HPRT1: variants seen among roughly 807,000 people sequenced by gnomAD.
HPRT1 encodes the protein hypoxanthine-guanine phosphoribosyltransferase.
HPRT1 carries 4 observed loss-of-function variants against 19.0 expected under a neutral mutation model. That is an observed-to-expected ratio of 0.21 (90% CI 0.10 to 0.48). The LOEUF (loss-of-function observed/expected upper bound fraction) is 0.48. Among genes scored for constraint, HPRT1 ranks in the 20% least tolerant of loss-of-function variants. The probability of loss-of-function intolerance (pLI) is 0.98; values close to 1 mark genes in which losing one functional copy is unlikely to be tolerated. For synonymous variants in HPRT1, 53 were observed against 54.9 expected (o/e 0.97, Z 0.15); for missense variants, 65 against 164.0 (o/e 0.40, Z 3.30).
intron 4 of HPRT1, among the ~76,000 whole-genome samples, chrX:134,487,949 C>T (rs1172699666): frequency 1.8e-5 from 2 of 111,470 alleles, no homozygotes; most frequent in African/African-American, 6.5e-5. Context: ...TCGTCTTTCC[C>T]ACCTAATGGC....
At chrX:134,490,771 G>C (rs898839118) in intron 5 of HPRT1, among the ~76,000 whole-genome samples, 1 of 108,557 alleles carries the variant, frequency 9.2e-6, no homozygotes, top group Non-Finnish European at 1.9e-5. Flanking sequence ...CAAAATATCT[G>C]TGATGAGGCC....
intron 4 of HPRT1, among the ~76,000 whole-genome samples, chrX:134,489,754 A>G (rs1260412318): frequency 8.9e-6 from 1 of 111,757 alleles, no homozygotes; most frequent in African/African-American, 3.2e-5. Flanking sequence ...ATGAGAAAAT[A>G]TATTTTGGAG....
Position 134,460,245 on chromosome X carries a change from T to A in HPRT1, c.-67T>A. ...CGCCGCCTCTTGCTGCGCCTCCGCC[T>A]CCTCCTCTGCTCCGCCACCGGCTTC... is the stretch of plus-strand genomic sequence containing the variant. On this transcript the variant is annotated 5_prime_UTR_variant, in exon 1 of 9. Coordinates refer to ENST00000298556, the MANE Select transcript of HPRT1 (RefSeq NM_000194.3). 1 of 1,088,145 alleles carries A rather than the reference T, an allele frequency of 9.2e-7. No homozygotes were observed. 89.7% of individuals were successfully genotyped at this position (1,088,145 alleles called of 1,213,427 possible).
At chrX:134,461,589 G>A (rs2077584237) in intron 1 of HPRT1, among the ~76,000 whole-genome samples, 1 of 112,105 alleles carries the variant, frequency 8.9e-6, no homozygotes, top group Non-Finnish European at 1.9e-5. Flanking sequence ...TGGAGTTATT[G>A]AGAGGATTAT....
intron 1 of HPRT1, among the ~76,000 whole-genome samples, chrX:134,473,158 G>A (rs1311293739): frequency 8.9e-6 from 1 of 112,035 alleles, no homozygotes; most frequent in Non-Finnish European, 1.9e-5. Context: ...CCAAAGTGCT[G>A]GGATTACACG....
intron 3 of HPRT1, among the ~76,000 whole-genome samples, chrX:134,484,191 CTG>C (rs1422918948): frequency 8.9e-6 from 1 of 112,219 alleles, no homozygotes; most frequent in Admixed American, 9.5e-5. Context: ...CCTCTTGTCT[CTG>C]TAAAGACATC....
At chrX:134,495,691 G>A (rs1215163694) in intron 6 of HPRT1, among the ~76,000 whole-genome samples, 1 of 111,646 alleles carries the variant, frequency 9.0e-6, no homozygotes, top group African/African-American at 3.3e-5. Flanking sequence ...AGTGGTTTTT[G>A]ATATATTCAG....
intron 3 of HPRT1, among the ~76,000 whole-genome samples, chrX:134,481,511 CTATCTAT>C (rs2077640060): frequency 2.4e-5 from 2 of 82,247 alleles, no homozygotes; most frequent in African/African-American, 9.0e-5. Flanking sequence ...CTATCTCTAT[CTATCTAT>C]CTATCTATCT....
rs377547259 is a variant in HPRT1, at chrX:134,479,118, G to A, written c.318+3754G>A. On this transcript the variant is annotated intron_variant, in intron 3 of 8. Transcript: ENST00000298556. ...TCCCAGTACTTTGGGAAGTCAAGAC[G>A]GGAGGCTGGCTTGAACCCAGGAGTT... is the stretch of plus-strand genomic sequence containing the variant. Among the ~76,000 whole-genome samples, 98 of 111,874 alleles carry A rather than the reference G, an allele frequency of 8.8e-4. No homozygotes were observed. In the East Asian group the frequency reaches 0.012, roughly 14 times the overall value.
At chrX:134,467,520 T>G (rs1205126940) in intron 1 of HPRT1, among the ~76,000 whole-genome samples, 1 of 112,070 alleles carries the variant, frequency 8.9e-6, no homozygotes, top group Non-Finnish European at 1.9e-5. Context: ...ACTGGATTGT[T>G]AACTAATCCA....
chrX:134,460,213 C>A lies in HPRT1; in HGVS notation c.-99C>A, dbSNP rs1055741989. 209 of 947,579 alleles carry A rather than the reference C, an allele frequency of 2.2e-4. 1 individual carries two copies. The highest frequency in any genetic ancestry group is 2.7e-4 in the Non-Finnish European group (189 of 704,080). The allele number at this position is 947,579 out of a possible 1,213,427, so 78.1% of individuals were successfully genotyped here. A position where few individuals can be genotyped will look rare whatever the true frequency, so the allele number is the denominator to read the frequency against. On this transcript the variant is annotated 5_prime_UTR_variant, in exon 1 of 9. Transcript: ENST00000298556. ...CCTCAGGCGAACCTCTCGGCTTTCC[C>A]GCGCGGCGCCGCCTCTTGCTGCGCC...
chrX:134,489,459 A>T (rs1401835883), intron 4 of HPRT1, among the ~76,000 whole-genome samples: 1 of 111,688 alleles, frequency 9.0e-6, no homozygotes, highest in African/African-American at 3.2e-5. Flanking sequence ...GTATGATGAG[A>T]GCTACAGATA....
chrX:134,484,136 C>T (rs1029589829), intron 3 of HPRT1, among the ~76,000 whole-genome samples: 2 of 112,138 alleles, frequency 1.8e-5, no homozygotes, highest in African/African-American at 6.5e-5. Flanking sequence ...AGCAATTTTT[C>T]CATGACTCCA....
At chrX:134,497,977 G>A (rs747422178) in intron 6 of HPRT1, among the ~76,000 whole-genome samples, 1 of 111,871 alleles carries the variant, frequency 8.9e-6, no homozygotes, top group South Asian at 3.7e-4. Flanking sequence ...TGTGATAAAA[G>A]GTGATGCTCA....
At chrX:134,475,047 A>T in intron 2 of HPRT1, 134 bp from the exon 3 acceptor site, 4 of 415,625 alleles carry the variant, frequency 9.6e-6, no homozygotes, top group Non-Finnish European at 1.6e-5. Context: ...TGCCTGGCTA[A>T]TTTTTTTTTT....
At chrX:134,468,000 C>T (rs1016379129) in intron 1 of HPRT1, among the ~76,000 whole-genome samples, 14 of 107,492 alleles carry the variant, frequency 1.3e-4, no homozygotes, top group Non-Finnish European at 2.1e-4. Flanking sequence ...TTAGTAGAGA[C>T]GGGGTTTTAC....
chrX:134,481,392 A>G (rs781566524), intron 3 of HPRT1, among the ~76,000 whole-genome samples: 18 of 111,487 alleles, frequency 1.6e-4, no homozygotes, highest in African/African-American at 5.9e-4. Context: ...GAATAGTTAG[A>G]TGTAGGTATA....
intron 3 of HPRT1, 94 bp from the exon 4 acceptor site, chrX:134,486,371 A>T (rs760006661): frequency 7.6e-6 from 3 of 396,070 alleles, no homozygotes; most frequent in Non-Finnish European, 1.2e-5. Flanking sequence ...TCTAGTTCTC[A>T]TTTAATTTGA....
At chrX:134,497,430 G>A (rs779531953) in intron 6 of HPRT1, among the ~76,000 whole-genome samples, 1 of 110,133 alleles carries the variant, frequency 9.1e-6, no homozygotes, top group East Asian at 2.9e-4. Context: ...TTGGGAGTTC[G>A]AGACCAGCCT....
Sources: allele counts gnomAD v4.1 joint callset (sites outside exome capture counted in the v4.1 genomes callset), GRCh38; gene constraint gnomAD v4.1.1; transcripts MANE v1.5; gene names NCBI Gene and HGNC (gene_info 2026-07-23, HGNC 2026-07-21).